Variants in CNGB3 observed in about 807,000 individuals in gnomAD.
CNGB3 encodes cyclic nucleotide gated channel subunit beta 3.
A neutral mutation model predicts 92.8 loss-of-function variants in CNGB3; 86 were observed. That is an observed-to-expected ratio of 0.93 (90% CI 0.78 to 1.11). The LOEUF (loss-of-function observed/expected upper bound fraction) is 1.11, where lower values mean the gene tolerates loss of function less well. Among genes scored for constraint, CNGB3 ranks in the 50% least tolerant of loss-of-function variants. CNGB3 has a pLI of 0.00. For synonymous variants in CNGB3, 333 were observed against 332.7 expected, an observed-to-expected ratio of 1.00 and a Z score of -0.01; for missense variants, 1,026 against 956.8, an observed-to-expected ratio of 1.07 and a Z score of -0.95.
intron 6 of CNGB3, among the ~76,000 whole-genome samples, chr8:86,654,341 G>A (rs1367866063): frequency 6.6e-6 from 1 of 152,050 alleles, no homozygotes; most frequent in African/African-American, 2.4e-5. Context: ...GCAATTTGGT[G>A]GCAATTTGGC....
chr8:86,677,299 G>A (rs559708949), intron 3 of CNGB3, among the ~76,000 whole-genome samples: 2 of 152,330 alleles, frequency 1.3e-5, no homozygotes, highest in East Asian at 3.9e-4. Flanking sequence ...AGATAATTAT[G>A]ATAACATATG....
intron 8 of CNGB3, among the ~76,000 whole-genome samples, chr8:86,647,014 T>C (rs1196447156): frequency 6.6e-6 from 1 of 151,130 alleles, no homozygotes; most frequent in East Asian, 1.9e-4. Flanking sequence ...GATGAGTTTC[T>C]TTTTGTAGCT....
At chr8:86,713,253 C>A (rs1284408469) in intron 3 of CNGB3, among the ~76,000 whole-genome samples, 3 of 152,076 alleles carry the variant, frequency 2.0e-5, no homozygotes, top group African/African-American at 7.2e-5. Flanking sequence ...TTTGCTGAGA[C>A]CTACTTTATG....
At chr8:86,734,908 C>A (rs1033684442) in intron 2 of CNGB3, among the ~76,000 whole-genome samples, 1 of 152,096 alleles carries the variant, frequency 6.6e-6, no homozygotes, top group Admixed American at 6.5e-5. Flanking sequence ...CAACCCAACA[C>A]TGATAACAGT....
intron 3 of CNGB3, among the ~76,000 whole-genome samples, chr8:86,693,860 CG>C (rs1824370702): frequency 1.3e-5 from 2 of 152,172 alleles, no homozygotes; most frequent in Admixed American, 1.3e-4. Flanking sequence ...TACACAGACA[CG>C]GCAACCATCC....
chr8:86,726,377 A>T (rs1825060727), intron 3 of CNGB3, among the ~76,000 whole-genome samples, 154 bp downstream of exon 3: 1 of 152,070 alleles, frequency 6.6e-6, no homozygotes, highest in Non-Finnish European at 1.5e-5. Context: ...GACAGAACCA[A>T]CCTTTTAGTT....
rs371185821 is a variant in CNGB3 at position 86,653,978 on chromosome 8, C to T, written c.903+34G>A. Reference sequence around the variant, plus strand: ...ATTTAAAGTCAAAATGGTAATAGATCACGTGAGCAACTTTGAAATTGTTTG... The same window carrying T: ...ATTTAAAGTCAAAATGGTAATAGATTACGTGAGCAACTTTGAAATTGTTTG... On this transcript the variant is annotated intron_variant, in intron 7 of 17. Coordinates refer to ENST00000320005, the MANE Select transcript of CNGB3 (RefSeq NM_019098.5). 1.1e-4 allele frequency: 150 copies of T among 1,426,152 alleles called. 1 individual carries two copies. The highest frequency in any genetic ancestry group is 7.4e-4 in the Admixed American group (44 of 59,728). 88.3% of individuals were successfully genotyped at this position (1,426,152 alleles called of 1,614,324 possible).
intron 10 of CNGB3, among the ~76,000 whole-genome samples, chr8:86,634,153 G>A (rs774734177): frequency 3.3e-5 from 5 of 152,072 alleles, no homozygotes; most frequent in African/African-American, 4.8e-5. Context: ...AACATACTAT[G>A]GTTTGATTTT....
chr8:86,709,409 T>C (rs1305956344), intron 3 of CNGB3, among the ~76,000 whole-genome samples: 4 of 152,182 alleles, frequency 2.6e-5, no homozygotes, highest in Non-Finnish European at 4.4e-5. Context: ...ACCCCAGCGC[T>C]TGGCTGAGCT....
chr8:86,727,682 C>T (rs538677022), intron 2 of CNGB3, among the ~76,000 whole-genome samples: 53 of 151,920 alleles, frequency 3.5e-4, no homozygotes, highest in Admixed American at 9.2e-4. Context: ...AATGTAGAAG[C>T]GGAAAAGAAA....
intron 15 of CNGB3, among the ~76,000 whole-genome samples, chr8:86,597,814 T>C (rs1270859264): frequency 1.3e-5 from 2 of 151,954 alleles, no homozygotes; most frequent in Non-Finnish European, 2.9e-5. Flanking sequence ...ACCCCGTCTC[T>C]ACAAAAATAC....
intron 3 of CNGB3, among the ~76,000 whole-genome samples, chr8:86,716,820 A>G (rs1824862652): frequency 6.6e-6 from 1 of 152,190 alleles, no homozygotes; most frequent in Non-Finnish European, 1.5e-5. Flanking sequence ...AAAAAAGCCA[A>G]TGTATTCAGG....
Position 86,666,887 on chromosome 8 carries a change from T to G in CNGB3, c.852+38A>C, listed in dbSNP as rs765812197. 6 of 1,505,808 alleles carry G rather than the reference T, an allele frequency of 4.0e-6. No individual in the cohort carries two copies. In the South Asian group the frequency reaches 6.8e-5, roughly 17 times the overall value. The allele number at this position is 1,505,808 out of a possible 1,614,324, so 93.3% of individuals were successfully genotyped here. ...TTTTTGTAGCCCAATTAGATGTTATTCACGTTTCAGTTTCTGCCTTTCCCG... is the reference window on the plus strand; with the variant it reads ...TTTTTGTAGCCCAATTAGATGTTATGCACGTTTCAGTTTCTGCCTTTCCCG... On this transcript the variant is annotated intron_variant, in intron 6 of 17. Transcript: ENST00000320005.
At chr8:86,654,084 A>T in intron 6 of CNGB3, 22 bp from the exon 7 acceptor site, 2 of 1,504,264 alleles carry the variant, frequency 1.3e-6, no homozygotes, top group South Asian at 2.3e-5. Context: ...TTGTATTTTC[A>T]TTAATTTTAG....
intron 7 of CNGB3, among the ~76,000 whole-genome samples, chr8:86,649,653 A>AT (rs1823360727): frequency 6.6e-6 from 1 of 151,708 alleles, no homozygotes; most frequent in Non-Finnish European, 1.5e-5. Context: ...TCAACTCAAG[A>AT]TAAATCAAAG....
intron 3 of CNGB3, among the ~76,000 whole-genome samples, chr8:86,716,625 T>A (rs1824858225): frequency 6.6e-6 from 1 of 152,088 alleles, no homozygotes; most frequent in Non-Finnish European, 1.5e-5. Flanking sequence ...AAACTAAGCA[T>A]CATGAAAGAA....
At chr8:86,593,617 G>A (rs1822102431) in intron 15 of CNGB3, 2 of 447,502 alleles carry the variant, frequency 4.5e-6, no homozygotes, top group South Asian at 2.7e-5. Context: ...AGAGGTGGTG[G>A]CTATAAGGGG....
chr8:86,633,321 G>T (rs967178294), intron 10 of CNGB3, among the ~76,000 whole-genome samples: 4 of 152,186 alleles, frequency 2.6e-5, no homozygotes, highest in Admixed American at 6.5e-5. Flanking sequence ...TGTTGGCTGG[G>T]TTCCCCTGTT....
chr8:86,738,889 G>T (rs1371212412), intron 2 of CNGB3, among the ~76,000 whole-genome samples: 10 of 151,436 alleles, frequency 6.6e-5, no homozygotes, highest in Admixed American at 4.6e-4. Context: ...TATGAAAGGA[G>T]ATTTGGTGAC....
Sources: gnomAD v4.1 joint callset for allele counts (sites outside exome capture counted in the v4.1 genomes callset) on GRCh38, gnomAD v4.1.1 for gene constraint, MANE v1.5 for transcripts, NCBI Gene and HGNC (gene_info 2026-07-23, HGNC 2026-07-21) for gene names.